Variants in CCDC141 observed in about 807,000 individuals in gnomAD.
CCDC141 encodes the protein coiled-coil domain containing 141, also known as coiled-coil domain-containing protein 141.
Under a neutral mutation model 181.0 loss-of-function variants are expected in CCDC141, and 168 were observed. That is an observed-to-expected ratio of 0.93 (90% CI 0.82 to 1.05). CCDC141 has a LOEUF of 1.05. Ranked by LOEUF, CCDC141 falls within the 50% of genes least tolerant of loss-of-function variation. CCDC141 has a pLI of 0.00. For synonymous variants in CCDC141, 666 were observed against 642.3 expected, an observed-to-expected ratio of 1.04 and a Z score of -0.56; for missense variants, 1,902 against 1,788.5, an observed-to-expected ratio of 1.06 and a Z score of -1.14.
intron 2 of CCDC141, among the ~76,000 whole-genome samples, chr2:179,019,449 C>T (rs1285693138): frequency 6.6e-6 from 1 of 152,118 alleles, no homozygotes. Context: ...TTGCTCAATA[C>T]TTACTGCACA....
rs142700197 is a variant in CCDC141, at chr2:178,972,210, A to C, written c.526+2847T>G. Among the ~76,000 whole-genome samples the C allele has an allele frequency of 1.9e-3, 288 of 152,300 alleles. 2 individuals carry two copies. Among genetic ancestry groups the C allele is most frequent in the African/African-American group, 6.7e-3 (279 of 41,568 alleles). ...ATTCATTTTAAGAAGACCCTTAGAA[A>C]ACTGGAGGGTGCAGTTGTCATTCTT... On this transcript the variant is annotated intron_variant, in intron 4 of 23. Transcript: ENST00000443758.
At chr2:178,824,331 C>T in the CCDC141 span, among the ~76,000 whole-genome samples, 1 of 152,052 alleles carries the variant, frequency 6.6e-6, no homozygotes, top group Non-Finnish European at 1.5e-5. Context: ...AACTCATGTG[C>T]CAAGAAAAAG....
At chr2:178,892,391 C>T (rs1400129192) in intron 8 of CCDC141, among the ~76,000 whole-genome samples, 1 of 152,014 alleles carries the variant, frequency 6.6e-6, no homozygotes. Flanking sequence ...TTCCCATTTC[C>T]CTCTCTCTAT....
chr2:178,882,889 A>G (rs1328454574), intron 11 of CCDC141, among the ~76,000 whole-genome samples: 1 of 152,066 alleles, frequency 6.6e-6, no homozygotes, highest in African/African-American at 2.4e-5. Context: ...GAGGATGGAA[A>G]GGAAATGAGT....
intron 5 of CCDC141, among the ~76,000 whole-genome samples, chr2:178,960,602 A>C (rs545367310): frequency 6.6e-6 from 1 of 152,136 alleles, no homozygotes; most frequent in Admixed American, 6.5e-5. Flanking sequence ...AGTTCTGCCC[A>C]CTCTTCACAT....
At chr2:179,026,153 G>A (rs552284935) in intron 2 of CCDC141, among the ~76,000 whole-genome samples, 1 of 152,288 alleles carries the variant, frequency 6.6e-6, no homozygotes, top group South Asian at 2.1e-4. Context: ...GTAATGAGGG[G>A]CCAAATGTTA....
At chr2:178,966,020 T>G (rs2154379443) in intron 4 of CCDC141, among the ~76,000 whole-genome samples, 1 of 152,262 alleles carries the variant, frequency 6.6e-6, no homozygotes, top group Non-Finnish European at 1.5e-5. Context: ...TTTGAACTGG[T>G]GGGAGCCCAC....
At chr2:178,879,007 A>G (rs371037796) in intron 11 of CCDC141, among the ~76,000 whole-genome samples, 1 of 152,334 alleles carries the variant, frequency 6.6e-6, no homozygotes, top group East Asian at 1.9e-4. Flanking sequence ...CTGCCAAAGT[A>G]TAATACTAAA....
chr2:179,019,712 T>C (rs965713219), intron 2 of CCDC141, among the ~76,000 whole-genome samples: 1 of 152,142 alleles, frequency 6.6e-6, no homozygotes, highest in Non-Finnish European at 1.5e-5. Flanking sequence ...GGTATAGCTC[T>C]TAGTCTATTT....
At chr2:178,907,789 T>A (rs547560943) in intron 7 of CCDC141, among the ~76,000 whole-genome samples, 3 of 150,798 alleles carry the variant, frequency 2.0e-5, no homozygotes, top group African/African-American at 7.3e-5. Context: ...AGGTCAGGAG[T>A]TCAAGACCAG....
chr2:178,912,974 A>G (rs1012006454), intron 7 of CCDC141, among the ~76,000 whole-genome samples: 1 of 152,188 alleles, frequency 6.6e-6, no homozygotes, highest in Non-Finnish European at 1.5e-5. Flanking sequence ...AGCCAGGTTA[A>G]GGGTCTCTGC....
intron 5 of CCDC141, among the ~76,000 whole-genome samples, chr2:178,953,993 T>C (rs1690059591): frequency 6.6e-6 from 1 of 152,206 alleles, no homozygotes; most frequent in African/African-American, 2.4e-5. Context: ...TTCACTCAAA[T>C]TATAAAACCA....
At chr2:178,913,057 C>T (rs1039850173) in intron 7 of CCDC141, among the ~76,000 whole-genome samples, 2 of 152,178 alleles carry the variant, frequency 1.3e-5, no homozygotes, top group Non-Finnish European at 2.9e-5. Context: ...TGTTCCCTGG[C>T]CTCTCATCTA....
intron 20 of CCDC141, among the ~76,000 whole-genome samples, chr2:178,852,063 A>G (rs150900384): frequency 0.011 from 1,655 of 152,308 alleles, 37 homozygotes; most frequent in African/African-American, 0.037. Context: ...AGCAGTTGGT[A>G]TGTGCCATTA....
intron 17 of CCDC141, among the ~76,000 whole-genome samples, chr2:178,861,426 A>G (rs906940869): frequency 5.3e-5 from 8 of 152,110 alleles, no homozygotes; most frequent in African/African-American, 1.9e-4. Flanking sequence ...ACCAGAGGTC[A>G]GGAGTTCAAG....
At chr2:179,041,497 T>G (rs1423160257) in intron 2 of CCDC141, among the ~76,000 whole-genome samples, 1 of 141,348 alleles carries the variant, frequency 7.1e-6, no homozygotes, top group Non-Finnish European at 1.5e-5. Flanking sequence ...GTGGGTTTTT[T>G]TTTTTTTTTT....
chr2:179,017,944 T>A (rs2042589594), intron 2 of CCDC141, among the ~76,000 whole-genome samples: 1 of 152,102 alleles, frequency 6.6e-6, no homozygotes, highest in African/African-American at 2.4e-5. Flanking sequence ...GCTTAGTCAT[T>A]AAACTAAGGA....
chr2:178,976,368 AT>A (rs1182001038), intron 3 of CCDC141, among the ~76,000 whole-genome samples: 1 of 152,220 alleles, frequency 6.6e-6, no homozygotes. Flanking sequence ...GGGATTCTTA[AT>A]ATTTTAATGT....
chr2:179,032,453 C>G (rs911344642), intron 2 of CCDC141, among the ~76,000 whole-genome samples: 1 of 152,156 alleles, frequency 6.6e-6, no homozygotes. Flanking sequence ...CTCTCTGACC[C>G]TTGGATCCTT....
Sources: allele counts gnomAD v4.1 joint callset (sites outside exome capture counted in the v4.1 genomes callset), GRCh38; gene constraint gnomAD v4.1.1; transcripts MANE v1.5; gene names NCBI Gene and HGNC (gene_info 2026-07-23, HGNC 2026-07-21).